CD58: variants seen among roughly 807,000 people sequenced by gnomAD.
CD58 encodes the protein lymphocyte function-associated antigen 3.
CD58 carries 14 observed loss-of-function variants against 27.6 expected under a neutral mutation model. The observed-to-expected ratio is 0.51, with a 90% CI of 0.34 to 0.79. The LOEUF (loss-of-function observed/expected upper bound fraction) is 0.79, where lower values mean the gene tolerates loss of function less well. Ranked by LOEUF, CD58 falls within the 30% of genes least tolerant of loss-of-function variation. The pLI is 0.02. For synonymous variants in CD58, 117 were observed against 103.8 expected (o/e 1.13, Z -0.77); for missense variants, 268 against 301.7 (o/e 0.89, Z 0.83).
rs1261606421 is a variant in CD58, at chr1:116,536,099, T to C, written c.494A>G (p.Gln165Arg). 2 of 1,613,996 alleles carry C rather than the reference T, an allele frequency of 1.2e-6. No homozygotes were observed. The highest frequency in any genetic ancestry group is 3.3e-5 in the Admixed American group (2 of 60,010). The change falls in exon 3 of 6, where the codon CAA becomes CGA. Residue 165 changes from glutamine (Q) to arginine (R), a missense_variant. Coordinates refer to ENST00000369489, the MANE Select transcript of CD58 (RefSeq NM_001779.3). This position sits in a 1 kb window ranked among gnomAD's most constrained non-coding sequence, Gnocchi z 5.4. The stretch of plus-strand genomic sequence containing the variant: ...TATACTGGTTGAGTTACGTTTACAT[T>C]GCTCCATAGGACAATCCCATGAGTA... ...IMYSWDCPME[Q>R]CKRNSTSIYF...
chr1:116,555,922 C>T (rs1292807593), intron 1 of CD58, among the ~76,000 whole-genome samples: 2 of 152,066 alleles, frequency 1.3e-5, no homozygotes, highest in African/African-American at 4.8e-5. Flanking sequence ...ACTTGTATGG[C>T]CCTGGCTCTG....
In CD58 at chr1:116,519,257, T is replaced by C; in HGVS notation, c.717A>G (p.Lys239=). The part of the protein sequence containing the change: ...CIVLYMNGIL[K]CDRKPDRTNS... ...TGGTTCTGTCTGGTTTTCTGTCACA[T>C]TTCAGAATACCTAAAAATGAAGAAA... The change falls in exon 5 of 6, where the codon AAA becomes AAG. Residue 239 remains lysine, a synonymous_variant. Transcript: ENST00000369489. This position sits in a 1 kb window ranked among gnomAD's most constrained non-coding sequence, Gnocchi z 4.7. The C allele has an allele frequency of 6.2e-7, 1 of 1,612,270 alleles. No individual in the cohort carries two copies. The highest frequency in any genetic ancestry group is 8.5e-7 in the Non-Finnish European group (1 of 1,179,074).
In CD58 at chr1:116,534,029, T is replaced by A; in HGVS notation, c.628+1936A>T. ...TGATCCGTGAGCTTTTCCGTCTTAC[T>A]TGCATTTTTAGCAGCTTCCACGAAA... On this transcript the variant is annotated intron_variant, in intron 3 of 5. Coordinates refer to ENST00000369489, the MANE Select transcript of CD58 (RefSeq NM_001779.3). The surrounding 1 kb of genome is among the most constrained non-coding windows in gnomAD (Gnocchi z 5.3). 8.1e-7 allele frequency: 1 copy of A among 1,232,896 alleles called. No homozygotes were observed. The highest frequency in any genetic ancestry group is 1.2e-6 in the Non-Finnish European group (1 of 838,090). The allele number at this position is 1,232,896 out of a possible 1,614,324, so 76.4% of individuals were successfully genotyped here.
chr1:116,547,222 G>T (rs1324421722), intron 1 of CD58, among the ~76,000 whole-genome samples: 2 of 151,024 alleles, frequency 1.3e-5, no homozygotes, highest in African/African-American at 4.9e-5. Flanking sequence ...GCTCCCACTT[G>T]TAAGTTAGAA....
At position 116,570,816 on chromosome 1, in the gene CD58, C is replaced by T. The variant is rs1225911590; in HGVS notation, c.70+87G>A. ...TCCCCACCCGTCTCTGATCGGCAAC[C>T]GCCTCGAGCCCGGCGCGTCCACCCA... On this transcript the variant is annotated intron_variant, in intron 1 of 5. Coordinates refer to ENST00000369489, the MANE Select transcript of CD58 (RefSeq NM_001779.3). The surrounding 1 kb of genome is among the most constrained non-coding windows in gnomAD (Gnocchi z 6.4). The T allele has an allele frequency of 4.7e-6, 5 of 1,063,362 alleles. No homozygotes were observed. The Admixed American group carries it at 1.0e-4, about 21-fold the overall frequency. 65.9% of individuals were successfully genotyped at this position (1,063,362 alleles called of 1,614,324 possible).
At chr1:116,539,593 T>C (rs1037298328) in intron 2 of CD58, among the ~76,000 whole-genome samples, 1 of 152,234 alleles carries the variant, frequency 6.6e-6, no homozygotes, top group Non-Finnish European at 1.5e-5. Context: ...TAGTATTATC[T>C]TCTAAGTTGC....
intron 2 of CD58, among the ~76,000 whole-genome samples, chr1:116,542,284 A>G (rs1205445299): frequency 1.3e-5 from 2 of 152,210 alleles, no homozygotes; most frequent in Non-Finnish European, 2.9e-5. Context: ...CTCTCAAGGA[A>G]AAAAGAGAAA....
chr1:116,529,846 C>T (rs1219152585), intron 3 of CD58, among the ~76,000 whole-genome samples: 1 of 152,150 alleles, frequency 6.6e-6, no homozygotes, highest in African/African-American at 2.4e-5. Flanking sequence ...GTAACCCCAT[C>T]GCCCCATTTC....
chr1:116,521,785 A>G lies in CD58; in HGVS notation c.706+121T>C. On this transcript the variant is annotated intron_variant, in intron 4 of 5. Coordinates refer to ENST00000369489, the MANE Select transcript of CD58 (RefSeq NM_001779.3). This position sits in a 1 kb window ranked among gnomAD's most constrained non-coding sequence, Gnocchi z 5.6. The stretch of plus-strand genomic sequence containing the variant: ...CAGTCCCACACACGTAAAGCAAAAA[A>G]GTTTTTGTTTCTTTTCAAATGTCTA... 1 of 688,132 alleles carries G rather than the reference A, an allele frequency of 1.5e-6. No individual in the cohort carries two copies. The highest frequency in any genetic ancestry group is 1.6e-5 in the South Asian group (1 of 62,128). The allele number at this position is 688,132 out of a possible 1,614,324, so 42.6% of individuals were successfully genotyped here. A position where few individuals can be genotyped will look rare whatever the true frequency, so the allele number is the denominator to read the frequency against.
At chr1:116,544,190 C>T in intron 2 of CD58, 121 bp downstream of exon 2, 2 of 673,190 alleles carry the variant, frequency 3.0e-6, no homozygotes, top group Non-Finnish European at 5.0e-6. Context: ...AGGAGAAAAC[C>T]CTGACAACAG....
chr1:116,565,724 T>G (rs548368624), intron 1 of CD58, among the ~76,000 whole-genome samples: 2 of 150,650 alleles, frequency 1.3e-5, no homozygotes, highest in Admixed American at 6.6e-5. Context: ...GTTTTGTTTT[T>G]TTGTTTTTTT....
chr1:116,540,674 T>A (rs1657960190), intron 2 of CD58, among the ~76,000 whole-genome samples: 1 of 152,214 alleles, frequency 6.6e-6, no homozygotes, highest in Non-Finnish European at 1.5e-5. Flanking sequence ...ATACTATCAA[T>A]ATCACTGCCT....
intron 1 of CD58, among the ~76,000 whole-genome samples, chr1:116,565,149 C>A (rs1241433168): frequency 1.3e-5 from 2 of 152,196 alleles, no homozygotes; most frequent in African/African-American, 2.4e-5. Context: ...CAGAATAATT[C>A]TTTTAAACAT....
At chr1:116,548,429 A>G (rs1658269214) in intron 1 of CD58, among the ~76,000 whole-genome samples, 1 of 152,178 alleles carries the variant, frequency 6.6e-6, no homozygotes, top group Non-Finnish European at 1.5e-5. Flanking sequence ...TTATGGCTTC[A>G]GGTCTTAGAT....
At position 116,535,945 on chromosome 1, in the gene CD58, A is replaced by C. The variant is rs1657783644; in HGVS notation, c.628+20T>G. 1 of 1,582,478 alleles carries C rather than the reference A, an allele frequency of 6.3e-7. No homozygotes were observed. ...TCTGTGGTCTGAAAGCCTCCATGAC[A>C]CATTTAGTTATTTACTCACCGCTGC... On this transcript the variant is annotated intron_variant, in intron 3 of 5. Coordinates refer to ENST00000369489, the MANE Select transcript of CD58 (RefSeq NM_001779.3).
At chr1:116,558,699 C>A (rs1658660526) in intron 1 of CD58, among the ~76,000 whole-genome samples, 1 of 152,224 alleles carries the variant, frequency 6.6e-6, no homozygotes, top group Non-Finnish European at 1.5e-5. Flanking sequence ...ACAGTTGTGA[C>A]TCTTGCCTAG....
In CD58 at chr1:116,534,278, C is replaced by T. The variant is rs1184571806; in HGVS notation, c.628+1687G>A. Among the ~76,000 whole-genome samples the T allele has an allele frequency of 6.6e-6, 1 of 152,244 alleles. No homozygotes were observed. The highest frequency in any genetic ancestry group is 1.5e-5 in the Non-Finnish European group (1 of 68,048). On this transcript the variant is annotated intron_variant, in intron 3 of 5. Transcript: ENST00000369489. The surrounding 1 kb of genome is among the most constrained non-coding windows in gnomAD (Gnocchi z 5.3). The stretch of plus-strand genomic sequence containing the variant: ...CATGCCCTCGTCCACACGAAACTTA[C>T]AATCAAAACCCCAGTTAGCCCAGCC...
intron 1 of CD58, among the ~76,000 whole-genome samples, chr1:116,568,936 C>T (rs1659034116): frequency 6.6e-6 from 1 of 152,198 alleles, no homozygotes; most frequent in Non-Finnish European, 1.5e-5. Context: ...GGGGATATAC[C>T]CATTCAGTCT....
Position 116,515,051 on chromosome 1 carries a change from C to G in CD58, c.744-229G>C, listed in dbSNP as rs765714611. Among the ~76,000 whole-genome samples the G allele has an allele frequency of 6.6e-6, 1 of 152,190 alleles. No homozygotes were observed. The highest frequency in any genetic ancestry group is 2.4e-5 in the African/African-American group (1 of 41,440). Reference sequence around the variant, plus strand: ...GCCTTCAGGATGCTGCACTCAATAGCAGCCCCAAGGCTCCTCCCGCTTACT... The same window carrying G: ...GCCTTCAGGATGCTGCACTCAATAGGAGCCCCAAGGCTCCTCCCGCTTACT... On this transcript the variant is annotated intron_variant, in intron 5 of 5. Transcript: ENST00000369489. The surrounding 1 kb of genome is among the most constrained non-coding windows in gnomAD (Gnocchi z 4.6).
Sources: gnomAD v4.1 joint callset for allele counts (sites outside exome capture counted in the v4.1 genomes callset) on GRCh38, gnomAD v4.1.1 for gene constraint, Gnocchi (gnomAD v3.1) non-coding constraint, MANE v1.5 for transcripts, NCBI Gene and HGNC (gene_info 2026-07-23, HGNC 2026-07-21) for gene names.